The following RANBP1 variants were observed in gnomAD, a reference collection of about 807,000 sequenced individuals.
RANBP1 encodes ran-specific GTPase-activating protein.
A neutral mutation model predicts 31.4 loss-of-function variants in RANBP1; 16 were observed. The observed-to-expected ratio is 0.51, with a 90% confidence interval of 0.34 to 0.77. The LOEUF (loss-of-function observed/expected upper bound fraction) is 0.77, where lower values mean the gene tolerates loss of function less well. Ranked by LOEUF, RANBP1 falls within the 30% of genes least tolerant of loss-of-function variation. The probability of loss-of-function intolerance (pLI) is 0.01; values close to 1 mark genes in which losing one functional copy is unlikely to be tolerated. For synonymous variants in RANBP1, 129 were observed against 140.5 expected, an observed-to-expected ratio of 0.92 and a Z score of 0.58; for missense variants, 265 against 362.0, an observed-to-expected ratio of 0.73 and a Z score of 2.17.
At chr22:20,119,440 G>A (rs1011906486) in intron 2 of RANBP1, 5 of 391,212 alleles carry the variant, frequency 1.3e-5, no homozygotes, top group South Asian at 8.7e-5. Flanking sequence ...AGGATCCAGG[G>A]AGTCCCTTGG....
intron 1 of RANBP1, chr22:20,116,710 C>T: frequency 3.4e-6 from 5 of 1,464,234 alleles, no homozygotes; most frequent in Non-Finnish European, 4.6e-6. Context: ...CGTCGGTGCA[C>T]TCTGCACTCA....
rs759044330 is a variant in RANBP1 at position 20,116,401 on chromosome 22, T to G, written c.217T>G (p.Phe73Val). 6.2e-7 allele frequency: 1 copy of G among 1,611,864 alleles called. No individual in the cohort carries two copies. Among genetic ancestry groups the G allele is most frequent in the Non-Finnish European group, 8.5e-7 (1 of 1,179,032 alleles). Reference protein sequence around the residue: ...TSLKLAWRGTFCSSSLKISED... With the variant: ...TSLKLAWRGTVCSSSLKISED... ...GCTGAAGCTGGCGTGGCGAGGCACG[T>G]TCTGCAGCTCCAGTTTAAAGATCTC... Residue 73 changes from phenylalanine (F) to valine (V), a missense_variant, in exon 1 of 6, where the codon TTC becomes GTC. Phe to Val is a conservative substitution (Grantham distance 50). Transcript: ENST00000430524.
intron 3 of RANBP1, 69 bp from the exon 4 acceptor site, chr22:20,125,237 CTG>C: frequency 5.7e-6 from 9 of 1,585,754 alleles, no homozygotes; most frequent in Non-Finnish European, 7.8e-6. Context: ...GCAGGGTGCT[CTG>C]TGGCCGAGGG....
intron 1 of RANBP1, 91 bp downstream of exon 1, chr22:20,116,521 A>AGGGCTGCCG: frequency 6.2e-7 from 1 of 1,610,366 alleles, no homozygotes; most frequent in African/African-American, 1.3e-5. Flanking sequence ...CACCTCCTCC[A>AGGGCTGCCG]GGGCTGCCGG....
chr22:20,118,410 T>A (rs1396531914), intron 1 of RANBP1: 1 of 922,670 alleles, frequency 1.1e-6, no homozygotes, highest in Admixed American at 6.2e-5. Flanking sequence ...CCGGTACAAT[T>A]TATCTAGTTA....
At chr22:20,118,038 C>T (rs905518483) in intron 1 of RANBP1, 7 of 991,958 alleles carry the variant, frequency 7.1e-6, no homozygotes, top group East Asian at 1.1e-4. Context: ...TTATTCTTTC[C>T]GTCGCCCACG....
intron 1 of RANBP1, chr22:20,117,071 C>G: frequency 1.1e-6 from 1 of 905,784 alleles, no homozygotes; most frequent in Non-Finnish European, 1.7e-6. Context: ...CCCCCGGCTT[C>G]GCCCCAGGCG....
chr22:20,120,648 C>T (rs1376979739), intron 2 of RANBP1, among the ~76,000 whole-genome samples: 1 of 152,190 alleles, frequency 6.6e-6, no homozygotes, highest in Non-Finnish European at 1.5e-5. Flanking sequence ...CCCTGGTCCC[C>T]AGCGGGAGGG....
rs756841949 is a variant in RANBP1, at chr22:20,116,272, C to G, written c.88C>G (p.Leu30Val). The G allele has an allele frequency of 6.2e-7, 1 of 1,612,878 alleles. No individual in the cohort carries two copies. The highest frequency in any genetic ancestry group is 8.5e-7 in the Non-Finnish European group (1 of 1,180,040). The change falls in exon 1 of 6, where the codon CTC becomes GTC. Residue 30 changes from leucine (L) to valine (V), a missense_variant. Coordinates refer to ENST00000430524, the MANE Select transcript of RANBP1 (RefSeq NM_001278639.2). ...APCKTRRALS[L>V]SAALRNVTKA... is the part of the protein sequence containing the mutation. ...ATGCAAAACGCGCAGGGCCTTGTCC[C>G]TCTCTGCAGCGCTGCGGAATGTCAC...
At chr22:20,117,061 C>A in intron 1 of RANBP1, 1 of 974,738 alleles carries the variant, frequency 1.0e-6, no homozygotes, top group East Asian at 2.7e-5. Flanking sequence ...GTCGCCGCCA[C>A]CCCCGGCTTC....
chr22:20,118,335 A>C, intron 1 of RANBP1: 1 of 1,002,334 alleles, frequency 1.0e-6, no homozygotes, highest in Non-Finnish European at 1.2e-6. Flanking sequence ...GGAAGACTCG[A>C]ACCTAAAATA....
chr22:20,116,904 C>G, intron 1 of RANBP1: 1 of 1,601,498 alleles, frequency 6.2e-7, no homozygotes, highest in Non-Finnish European at 8.5e-7. Flanking sequence ...GGTTCTCACT[C>G]ATCGCCCAGG....
chr22:20,116,950 C>T, intron 1 of RANBP1: 2 of 1,571,734 alleles, frequency 1.3e-6, no homozygotes, highest in African/African-American at 1.4e-5. Context: ...CCATGGGGGC[C>T]GCCTGGCCAC....
Position 20,127,189 on chromosome 22 carries a change from A to G in RANBP1, c.*137A>G, listed in dbSNP as rs1287384154. ...ATATAAAGAACTGAACTCAACATTC[A>G]GGTTGTTTTTTTTTTTTGTTTCTAA... is the stretch of plus-strand genomic sequence containing the variant. On this transcript the variant is annotated 3_prime_UTR_variant, in exon 6 of 6. Transcript: ENST00000430524. 1 of 631,212 alleles carries G rather than the reference A, an allele frequency of 1.6e-6. No homozygotes were observed. The highest frequency in any genetic ancestry group is 2.4e-6 in the Non-Finnish European group (1 of 410,948). 39.1% of individuals were successfully genotyped at this position (631,212 alleles called of 1,614,324 possible).
At chr22:20,117,486 G>T (rs1311088736) in intron 1 of RANBP1, 9 of 1,230,440 alleles carry the variant, frequency 7.3e-6, no homozygotes, top group Non-Finnish European at 2.0e-6. Flanking sequence ...GTTTCCCGCC[G>T]CTGGGGTCAG....
In RANBP1 at chr22:20,127,262, T is replaced by C; in HGVS notation, c.*210T>C. 1 of 409,082 alleles carries C rather than the reference T, an allele frequency of 2.4e-6. No individual in the cohort carries two copies. The highest frequency in any genetic ancestry group is 4.5e-6 in the Non-Finnish European group (1 of 220,832). The allele number at this position is 409,082 out of a possible 1,614,324, so 25.3% of individuals were successfully genotyped here. A position where few individuals can be genotyped will look rare whatever the true frequency, so the allele number is the denominator to read the frequency against. On this transcript the variant is annotated 3_prime_UTR_variant, in exon 6 of 6. Transcript: ENST00000430524. ...CTTCAGAAAATCCATTCCCCAGTCA[T>C]GAAAATGTACTGTGCTAACTTTCTT... is the stretch of plus-strand genomic sequence containing the variant.
At chr22:20,126,446 T>C (rs1375696884) in intron 5 of RANBP1, 78 bp downstream of exon 5, 1 of 1,610,180 alleles carries the variant, frequency 6.2e-7, no homozygotes, top group Non-Finnish European at 8.5e-7. Context: ...CGGGTGCTTT[T>C]TCTGTCTGCC....
Position 20,116,446 on chromosome 22 carries a change from C to A in RANBP1, c.246+16C>A. 2 of 1,612,840 alleles carry A rather than the reference C, an allele frequency of 1.2e-6. No individual in the cohort carries two copies. The highest frequency in any genetic ancestry group is 1.7e-6 in the Non-Finnish European group (2 of 1,179,884). On this transcript the variant is annotated intron_variant, in intron 1 of 5. Coordinates refer to ENST00000430524, the MANE Select transcript of RANBP1 (RefSeq NM_001278639.2). ...GATCTCAGAGGTAAACAAGTCATCC[C>A]TGATGTAGCTGTAGAGCCCGGGCTG...
rs1012664383 is a variant in RANBP1, at chr22:20,116,355, G to A, written c.171G>A (p.Arg57=). Residue 57 remains arginine (R), a synonymous_variant, in exon 1 of 6, where the codon CGG becomes CGA. Transcript: ENST00000430524. ...TTTTGTGGGGCTGCAGACCAAAGCG[G>A]CCCAGGAAGCGCCGGACGTCGCTGA... ...SLVLWGCRPK[R]PRKRRTSLKL... is the part of the protein sequence containing the mutation. The A allele has an allele frequency of 6.2e-7, 1 of 1,612,854 alleles. No homozygotes were observed. Among genetic ancestry groups the A allele is most frequent in the Non-Finnish European group, 8.5e-7 (1 of 1,179,890 alleles).
Sources: gnomAD v4.1 joint callset for allele counts (sites outside exome capture counted in the v4.1 genomes callset) on GRCh38, gnomAD v4.1.1 for gene constraint, MANE v1.5 for transcripts, NCBI Gene and HGNC (gene_info 2026-07-23, HGNC 2026-07-21) for gene names.